Variants in VPS41 observed in about 807,000 individuals in gnomAD.
VPS41 encodes vacuolar protein sorting-associated protein 41 homolog.
A neutral mutation model predicts 130.9 loss-of-function variants in VPS41; 85 were observed. That is an observed-to-expected ratio of 0.65 (90% CI 0.55 to 0.78). The LOEUF (loss-of-function observed/expected upper bound fraction) is 0.78. Ranked by LOEUF, VPS41 falls within the 30% of genes least tolerant of loss-of-function variation. The pLI, the probability that VPS41 is intolerant of heterozygous loss-of-function variation, is 0.00. For missense variants in VPS41, 874 were observed against 1,018.7 expected (o/e 0.86, Z 1.93); for synonymous variants, 335 against 332.9 (o/e 1.01, Z -0.07).
chr7:38,898,249 C>A (rs1787057150), intron 1 of VPS41, 120 bp from the exon 2 acceptor site: 1 of 778,180 alleles, frequency 1.3e-6, no homozygotes, highest in Non-Finnish European at 2.1e-6. Context: ...AGAGAATCTA[C>A]AACTATACTT....
chr7:38,779,077 A>T (rs1784313460), intron 10 of VPS41, among the ~76,000 whole-genome samples: 2 of 152,246 alleles, frequency 1.3e-5, no homozygotes, highest in African/African-American at 4.8e-5. Flanking sequence ...TTGCAGGTGC[A>T]CATATCTATT....
At chr7:38,810,440 T>A (rs531480199) in intron 7 of VPS41, among the ~76,000 whole-genome samples, 1 of 152,330 alleles carries the variant, frequency 6.6e-6, no homozygotes, top group East Asian at 1.9e-4. Flanking sequence ...ATAATTTTTA[T>A]AGGAATCAAA....
chr7:38,890,939 A>C (rs1786851131), intron 2 of VPS41, among the ~76,000 whole-genome samples: 2 of 151,320 alleles, frequency 1.3e-5, no homozygotes, highest in African/African-American at 4.9e-5. Context: ...TCCCGCCTTG[A>C]CCTCCCACCT....
At chr7:38,753,003 T>C (rs1470701221) in intron 21 of VPS41, among the ~76,000 whole-genome samples, 2 of 152,152 alleles carry the variant, frequency 1.3e-5, no homozygotes, top group African/African-American at 4.8e-5. Context: ...ACCTTAGCTG[T>C]CTGAAAAAAA....
chr7:38,792,142 C>A (rs2115960393), intron 9 of VPS41, among the ~76,000 whole-genome samples: 1 of 152,278 alleles, frequency 6.6e-6, no homozygotes, highest in African/African-American at 2.4e-5. Flanking sequence ...CTACTGCACT[C>A]CTCAGCTCTG....
intron 2 of VPS41, among the ~76,000 whole-genome samples, chr7:38,878,789 A>G (rs1337216004): frequency 6.6e-6 from 1 of 152,262 alleles, no homozygotes; most frequent in Admixed American, 6.5e-5. Flanking sequence ...AGAGCTAAGA[A>G]TGAAGAGCCA....
At chr7:38,859,920 A>T (rs1422241262) in intron 4 of VPS41, among the ~76,000 whole-genome samples, 1 of 152,260 alleles carries the variant, frequency 6.6e-6, no homozygotes, top group African/African-American at 2.4e-5. Context: ...TCTAGAAATA[A>T]TCTCAAAAAA....
At position 38,817,872 on chromosome 7, in the gene VPS41, A is replaced by G. The variant is rs1258874089; in HGVS notation, c.395T>C (p.Val132Ala). Residue 132 changes from valine to alanine, a missense_variant, in exon 7 of 29, where the codon GTG (valine) becomes GCG (alanine). Transcript: ENST00000310301. ...ACTGGATCTCACGAAATGTGGGTGC[A>G]CAGCAATAATCTACAAGAGAAACAG... is the stretch of plus-strand genomic sequence containing the variant. ...TFDCPIKIIA[V>A]HPHFVRSSCK... 1 of 1,614,084 alleles carries G rather than the reference A, an allele frequency of 6.2e-7. No homozygotes were observed. Among genetic ancestry groups the G allele is most frequent in the Non-Finnish European group, 8.5e-7 (1 of 1,179,984 alleles).
intron 7 of VPS41, among the ~76,000 whole-genome samples, chr7:38,816,934 G>A (rs546653037): frequency 8.6e-5 from 13 of 151,890 alleles, no homozygotes; most frequent in South Asian, 2.1e-4. Flanking sequence ...TTGTAGAGTC[G>A]GTCTCACTCG....
At chr7:38,894,834 A>G (rs1219748448) in intron 2 of VPS41, among the ~76,000 whole-genome samples, 1 of 152,158 alleles carries the variant, frequency 6.6e-6, no homozygotes, top group Non-Finnish European at 1.5e-5. Flanking sequence ...AAGAGCCCAG[A>G]GTTGGAACCC....
rs113630207 is a variant in VPS41, at chr7:38,837,785, A to C, written c.247-7457T>G. ...ATGTGACTGGAAGCAGATACTCCCAAATATTAGCATTGGTTATATCTGAGT... is the reference window on the plus strand; with the variant it reads ...ATGTGACTGGAAGCAGATACTCCCACATATTAGCATTGGTTATATCTGAGT... On this transcript the variant is annotated intron_variant, in intron 4 of 28. Transcript: ENST00000310301. 5.9e-5 allele frequency among the ~76,000 whole-genome samples: 9 copies of C among 152,372 alleles called. No individual in the cohort carries two copies. The East Asian group carries it at 1.3e-3, about 23-fold the overall frequency.
intron 25 of VPS41, among the ~76,000 whole-genome samples, chr7:38,737,644 C>T (rs1032278670): frequency 8.5e-5 from 13 of 152,138 alleles, no homozygotes; most frequent in South Asian, 6.2e-4. Flanking sequence ...GCTGGGAGAA[C>T]CACGTGGCAT....
intron 4 of VPS41, among the ~76,000 whole-genome samples, chr7:38,836,683 ACAGT>A (rs10540935): frequency 0.56 from 84,744 of 151,444 alleles, 24,347 homozygotes; most frequent in East Asian, 0.89. Flanking sequence ...AACCAAGTAA[ACAGT>A]CAATGTGCAT....
At chr7:38,873,791 T>C (rs112166525) in intron 2 of VPS41, among the ~76,000 whole-genome samples, 1 of 152,208 alleles carries the variant, frequency 6.6e-6, no homozygotes, top group African/African-American at 2.4e-5. Context: ...CTTTATACCA[T>C]CCTACAGAAT....
At chr7:38,814,523 G>A (rs1407785050) in intron 7 of VPS41, among the ~76,000 whole-genome samples, 1 of 152,038 alleles carries the variant, frequency 6.6e-6, no homozygotes, top group African/African-American at 2.4e-5. Flanking sequence ...GGTGGCAGGC[G>A]CCTGTAGTCC....
chr7:38,815,877 G>A (rs752168120), intron 7 of VPS41, among the ~76,000 whole-genome samples: 18 of 151,944 alleles, frequency 1.2e-4, no homozygotes, highest in Admixed American at 3.9e-4. Context: ...GGCCTATTGC[G>A]GGACCTCATT....
At chr7:38,905,222 T>A (rs1787233696) in intron 1 of VPS41, among the ~76,000 whole-genome samples, 1 of 152,094 alleles carries the variant, frequency 6.6e-6, no homozygotes, top group South Asian at 2.1e-4. Flanking sequence ...GACTCAGCAA[T>A]CTCTAGGAGA....
At chr7:38,772,709 CTGGTTAGGT>C in intron 12 of VPS41, 72 bp from the exon 13 acceptor site, 1 of 1,036,830 alleles carries the variant, frequency 9.6e-7, no homozygotes, top group Non-Finnish European at 1.5e-6. Flanking sequence ...TTCAGAGGAC[CTGGTTAGGT>C]TACCCAACCC....
In VPS41 at chr7:38,754,953, A is replaced by G. The variant is rs1312288914; in HGVS notation, c.1696-17T>C. ...AACAGCTTTCTGAAACATATAAGAA[A>G]AGCCACAGTCAATGAAATCCGTTAT... is the stretch of plus-strand genomic sequence containing the variant. On this transcript the variant is annotated splice_polypyrimidine_tract_variant and intron_variant, in intron 19 of 28. Coordinates refer to ENST00000310301, the MANE Select transcript of VPS41 (RefSeq NM_014396.4). 1.9e-6 allele frequency: 3 copies of G among 1,612,706 alleles called. No homozygotes were observed. Among genetic ancestry groups the G allele is most frequent in the African/African-American group, 2.7e-5 (2 of 75,002 alleles).
Sources: gnomAD v4.1 joint callset for allele counts (sites outside exome capture counted in the v4.1 genomes callset) on GRCh38, gnomAD v4.1.1 for gene constraint, MANE v1.5 for transcripts, NCBI Gene and HGNC (gene_info 2026-07-23, HGNC 2026-07-21) for gene names.